SNAP91: variants seen among roughly 807,000 people sequenced by gnomAD.
SNAP91 encodes the protein clathrin coat assembly protein AP180.
SNAP91 carries 27 observed loss-of-function variants against 100.3 expected under a neutral mutation model. The ratio of observed to expected loss-of-function variants is 0.27; its 90% confidence interval spans 0.20 to 0.37. SNAP91 has a LOEUF of 0.37. Ranked by LOEUF, SNAP91 falls within the 10% of genes least tolerant of loss-of-function variation. The pLI is 1.00. For missense variants in SNAP91, 986 were observed against 1,123.7 expected (o/e 0.88, Z 1.75); for synonymous variants, 404 against 398.6 (o/e 1.01, Z -0.16).
intron 8 of SNAP91, among the ~76,000 whole-genome samples, chr6:83,628,760 T>C (rs913293365): frequency 1.3e-4 from 20 of 152,132 alleles, no homozygotes; most frequent in Admixed American, 1.3e-3. Context: ...TTCTGGATAT[T>C]AGTCCTTTAT....
At chr6:83,694,854 C>T (rs1291046664) in intron 2 of SNAP91, among the ~76,000 whole-genome samples, 2 of 152,050 alleles carry the variant, frequency 1.3e-5, no homozygotes, top group Non-Finnish European at 2.9e-5. Flanking sequence ...GGTCCTGTAA[C>T]CTGCCAACAC....
In SNAP91 at chr6:83,605,727, G is replaced by GTGCTGCGGC; in HGVS notation, c.1090_1098dup (p.Ala364_Ala366dup). On this transcript the variant is annotated inframe_insertion, in exon 14 of 30. Transcript: ENST00000369694. Reference sequence around the variant, plus strand: ...CCTCCAGCAGGTGGTGGTGGTGCTGGTGCTGCGGCTGCTGCTGCCCCTCCA... The same window carrying GTGCTGCGGC: ...CCTCCAGCAGGTGGTGGTGGTGCTGGTGCTGCGGCTGCTGCGGCTGCTGCTGCCCCTCCA... 1.3e-6 allele frequency: 2 copies of GTGCTGCGGC among 1,552,754 alleles called. No homozygotes were observed. The highest frequency in any genetic ancestry group is 2.4e-5 in the South Asian group (2 of 84,074).
intron 2 of SNAP91, among the ~76,000 whole-genome samples, chr6:83,667,832 G>T (rs1011250653): frequency 6.6e-6 from 1 of 152,062 alleles, no homozygotes; most frequent in Non-Finnish European, 1.5e-5. Context: ...TGACAAATGG[G>T]ATCTAATTAA....
chr6:83,652,061 A>C (rs1465718558), intron 7 of SNAP91, among the ~76,000 whole-genome samples: 4 of 152,052 alleles, frequency 2.6e-5, no homozygotes, highest in African/African-American at 9.7e-5. Flanking sequence ...ATTTTTCTCC[A>C]TCTCTCTACT....
intron 7 of SNAP91, among the ~76,000 whole-genome samples, chr6:83,647,375 C>T (rs2097976093): frequency 1.3e-5 from 2 of 152,118 alleles, no homozygotes; most frequent in South Asian, 2.1e-4. Context: ...CCCATCTATT[C>T]TTAGTTCACT....
intron 16 of SNAP91, among the ~76,000 whole-genome samples, chr6:83,596,252 A>G (rs2094459021): frequency 6.6e-6 from 1 of 152,164 alleles, no homozygotes; most frequent in African/African-American, 2.4e-5. Context: ...AGGTCAGCTG[A>G]GAGGCCAAAT....
rs539956417 is a variant in SNAP91, at chr6:83,580,655, C to A, written c.2150-56G>T. 7.5e-6 allele frequency: 11 copies of A among 1,470,362 alleles called. No homozygotes were observed. The Admixed American group carries it at 8.9e-5, about 12-fold the overall frequency. The allele number at this position is 1,470,362 out of a possible 1,614,324, so 91.1% of individuals were successfully genotyped here. On this transcript the variant is annotated intron_variant, in intron 23 of 29. Transcript: ENST00000369694. ...ATTGAAAACAAAAAAAGATCATATG[C>A]GAAATTAAAGTAAAACTCTCTTTTG...
At chr6:83,630,680 T>C (rs1252647635) in intron 8 of SNAP91, among the ~76,000 whole-genome samples, 2 of 152,158 alleles carry the variant, frequency 1.3e-5, no homozygotes, top group African/African-American at 4.8e-5. Flanking sequence ...GTGGTGTCAG[T>C]TGTACTGTCT....
chr6:83,678,687 T>A, intron 2 of SNAP91: 1 of 1,153,176 alleles, frequency 8.7e-7, no homozygotes, highest in South Asian at 1.3e-5. Context: ...GATCTAACCT[T>A]CTACCTTCCA....
chr6:83,653,289 T>G (rs887425287), intron 7 of SNAP91, among the ~76,000 whole-genome samples: 1 of 152,184 alleles, frequency 6.6e-6, no homozygotes, highest in East Asian at 1.9e-4. Flanking sequence ...TTGTTTGTGT[T>G]GTCCCACAGT....
chr6:83,664,239 A>T (rs1207371698), intron 3 of SNAP91, among the ~76,000 whole-genome samples: 2 of 152,182 alleles, frequency 1.3e-5, no homozygotes, highest in African/African-American at 4.8e-5. Context: ...CCCATGGATC[A>T]AGGAGTAATT....
chr6:83,568,858 T>C (rs956356333), intron 26 of SNAP91, among the ~76,000 whole-genome samples: 1 of 152,218 alleles, frequency 6.6e-6, no homozygotes, highest in Admixed American at 6.5e-5. Flanking sequence ...TTGGAAACAC[T>C]GCTTTGCTGC....
intron 8 of SNAP91, among the ~76,000 whole-genome samples, chr6:83,630,776 A>G (rs201968612): frequency 1.6e-3 from 19 of 12,066 alleles, no homozygotes; most frequent in African/African-American, 2.2e-3. Context: ...ATTTTATCTT[A>G]AAAAAAAAAA....
intron 22 of SNAP91, among the ~76,000 whole-genome samples, chr6:83,582,933 G>C (rs937811637): frequency 6.6e-6 from 1 of 152,190 alleles, no homozygotes; most frequent in Non-Finnish European, 1.5e-5. Context: ...CTCCAATCTA[G>C]TCTTCACAGT....
chr6:83,617,566 C>T (rs2096549898), intron 9 of SNAP91, among the ~76,000 whole-genome samples: 1 of 151,276 alleles, frequency 6.6e-6, no homozygotes, highest in South Asian at 2.1e-4. Flanking sequence ...TAATCAATAA[C>T]AATTAAGATT....
chr6:83,654,421 C>T (rs217311), intron 7 of SNAP91, among the ~76,000 whole-genome samples: 57,327 of 152,024 alleles, frequency 0.38, 11,378 homozygotes, highest in South Asian at 0.5. Context: ...CCATGTGGAA[C>T]TGGAAACCGG....
In SNAP91 at chr6:83,659,000, T is replaced by C. The variant is rs1483253160; in HGVS notation, c.545A>G (p.Asp182Gly). Residue 182 changes from aspartate (D) to glycine (G), a missense_variant and splice_region_variant, in exon 6 of 30, where the codon GAT becomes GGT. This residue lies in a region of SNAP91 where 330 missense variants were observed against 447.5 expected (regional missense o/e 0.74). Transcript: ENST00000369694. ...QGQIDALLEF[D>G]VHPNELTNGV... ...AACATTTTCTAGTGAGATACATACA[T>C]CAAATTCAAGCAGTGCATCAATTTG... 6.3e-7 allele frequency: 1 copy of C among 1,593,740 alleles called. No individual in the cohort carries two copies.
chr6:83,697,644 T>C (rs1360651531), intron 2 of SNAP91, among the ~76,000 whole-genome samples: 1 of 152,170 alleles, frequency 6.6e-6, no homozygotes, highest in African/African-American at 2.4e-5. Context: ...ATTATATACA[T>C]TAAGTAATTT....
chr6:83,674,644 A>G (rs1053225647), intron 2 of SNAP91, among the ~76,000 whole-genome samples: 1 of 152,100 alleles, frequency 6.6e-6, no homozygotes, highest in African/African-American at 2.4e-5. Context: ...TATGCTTTCA[A>G]AGAATGTTCA....
Sources: gnomAD v4.1 joint callset for allele counts (sites outside exome capture counted in the v4.1 genomes callset) on GRCh38, gnomAD v4.1.1 for gene constraint, gnomAD v4.1.1 regional missense constraint, MANE v1.5 for transcripts, NCBI Gene and HGNC (gene_info 2026-07-23, HGNC 2026-07-21) for gene names.